Variants in RPA3 observed in about 807,000 individuals in gnomAD.
RPA3 encodes the protein replication protein A 14 kDa subunit.
RPA3 carries 24 observed loss-of-function variants against 13.7 expected under a neutral mutation model. The ratio of observed to expected loss-of-function variants is 1.75; its 90% confidence interval spans 1.27 to 2.46. The LOEUF (loss-of-function observed/expected upper bound fraction) is 2.46, where lower values mean the gene tolerates loss of function less well. Ranked by LOEUF, RPA3 falls within the 30% of genes most tolerant of loss-of-function variation. The probability of loss-of-function intolerance (pLI) is 0.00; values close to 1 mark genes in which losing one functional copy is unlikely to be tolerated. For missense variants in RPA3, 183 were observed against 151.0 expected, an observed-to-expected ratio of 1.21 and a Z score of -1.11; for synonymous variants, 59 against 51.2, an observed-to-expected ratio of 1.15 and a Z score of -0.65.
chr7:7,657,206 G>A (rs1270094849), intron 4 of RPA3, among the ~76,000 whole-genome samples: 3 of 151,938 alleles, frequency 2.0e-5, no homozygotes, highest in Non-Finnish European at 4.4e-5. Context: ...TAGAGTCTGG[G>A]TATTAGCCCT....
chr7:7,661,879 C>T (rs1386583795), intron 4 of RPA3, among the ~76,000 whole-genome samples: 5 of 152,152 alleles, frequency 3.3e-5, no homozygotes, highest in Admixed American at 2.0e-4. Flanking sequence ...CAGGCAGGGA[C>T]GTTTAATTCT....
intron 5 of RPA3, 57 bp from the exon 6 acceptor site, chr7:7,639,201 A>C: frequency 7.5e-7 from 1 of 1,328,362 alleles, no homozygotes; most frequent in South Asian, 1.2e-5. Flanking sequence ...GTTTGACTAA[A>C]GATGAGTACA....
intron 4 of RPA3, among the ~76,000 whole-genome samples, 179 bp downstream of exon 4, chr7:7,685,651 T>C (rs927030120): frequency 2.0e-5 from 3 of 152,214 alleles, no homozygotes; most frequent in Admixed American, 1.3e-4. Flanking sequence ...ATTTAAGTGT[T>C]GGCCCACTTG....
intron 4 of RPA3, among the ~76,000 whole-genome samples, chr7:7,676,365 A>G (rs1779739264): frequency 6.6e-6 from 1 of 152,208 alleles, no homozygotes; most frequent in African/African-American, 2.4e-5. Flanking sequence ...ATCACCATAC[A>G]CAGGCTAGGA....
Position 7,673,711 on chromosome 7 carries a change from CT to C in RPA3, c.-758+12118del, listed in dbSNP as rs1303262041. Reference sequence around the variant, plus strand: ...TGTAAAATCACTTCTTTTTCCCCCCCTTTTTTTTTTTAACTGTGGAAAATCT... The same window carrying C: ...TGTAAAATCACTTCTTTTTCCCCCCCTTTTTTTTTTAACTGTGGAAAATCT... On this transcript the variant is annotated intron_variant, in intron 4 of 7. Coordinates refer to ENST00000223129, the MANE Select transcript of RPA3 (RefSeq NM_002947.5). Among the ~76,000 whole-genome samples, 505 of 88,446 alleles carry C rather than the reference CT, an allele frequency of 5.7e-3. 5 individuals are homozygous for C. Among genetic ancestry groups the C allele is most frequent in the African/African-American group, 0.015 (416 of 27,116 alleles). The allele number at this position is 88,446 out of a possible 152,430, so 58.0% of individuals were successfully genotyped here. A position where few individuals can be genotyped will look rare whatever the true frequency, so the allele number is the denominator to read the frequency against.
intron 4 of RPA3, among the ~76,000 whole-genome samples, chr7:7,665,787 G>A (rs1779434619): frequency 6.7e-6 from 1 of 150,350 alleles, no homozygotes; most frequent in Non-Finnish European, 1.5e-5. Context: ...GAATCATATA[G>A]TATGAACTTT....
chr7:7,655,616 C>A (rs1386387671), intron 4 of RPA3, among the ~76,000 whole-genome samples: 3 of 152,070 alleles, frequency 2.0e-5, no homozygotes, highest in African/African-American at 4.8e-5. Flanking sequence ...CTGAAAGCAT[C>A]TATAAGGTTA....
rs767168488 is a variant in RPA3 at position 7,640,457 on chromosome 7, G to A, written c.-39C>T. 8.1e-6 allele frequency: 13 copies of A among 1,595,736 alleles called. No homozygotes were observed. The highest frequency in any genetic ancestry group is 1.1e-5 in the Non-Finnish European group (13 of 1,165,734). Reference sequence around the variant, plus strand: ...GACTGCGGCTGGCGGGAAACCCACGGACGACTGAAACTGTGCGCCCCGCGG... The same window carrying A: ...GACTGCGGCTGGCGGGAAACCCACGAACGACTGAAACTGTGCGCCCCGCGG... On this transcript the variant is annotated 5_prime_UTR_variant, in exon 5 of 8. Coordinates refer to ENST00000223129, the MANE Select transcript of RPA3 (RefSeq NM_002947.5).
intron 4 of RPA3, among the ~76,000 whole-genome samples, chr7:7,656,243 G>A (rs1451945184): frequency 6.6e-6 from 1 of 152,104 alleles, no homozygotes; most frequent in Non-Finnish European, 1.5e-5. Flanking sequence ...GGAAATACGA[G>A]TTGAAGGAGA....
At chr7:7,714,279 T>G (rs867698456) in intron 2 of RPA3, among the ~76,000 whole-genome samples, 1 of 152,372 alleles carries the variant, frequency 6.6e-6, no homozygotes, top group African/African-American at 2.4e-5. Flanking sequence ...AATCCTTGGA[T>G]GTTGACAGCA....
intron 4 of RPA3, among the ~76,000 whole-genome samples, chr7:7,669,250 A>G (rs1412504737): frequency 3.3e-5 from 5 of 152,162 alleles, no homozygotes; most frequent in African/African-American, 7.2e-5. Flanking sequence ...AAACGATTGT[A>G]TACGGTATTT....
intron 1 of RPA3, among the ~76,000 whole-genome samples, chr7:7,717,057 T>C (rs1305086856): frequency 4.8e-5 from 7 of 144,894 alleles, no homozygotes; most frequent in African/African-American, 2.0e-4. Context: ...TCTTTCTTTT[T>C]TTCTTTTTTT....
At chr7:7,706,265 A>G (rs1780596863) in intron 2 of RPA3, among the ~76,000 whole-genome samples, 3 of 152,176 alleles carry the variant, frequency 2.0e-5, no homozygotes, top group Admixed American at 6.6e-5. Flanking sequence ...AAAAGAGTCT[A>G]AAAATTATCT....
intron 4 of RPA3, among the ~76,000 whole-genome samples, chr7:7,681,086 C>T (rs563722314): frequency 1.3e-5 from 2 of 152,146 alleles, no homozygotes; most frequent in East Asian, 1.9e-4. Context: ...TAAGTAAAAA[C>T]TTATAAACAT....
chr7:7,662,480 C>T (rs1460727024), intron 4 of RPA3, among the ~76,000 whole-genome samples: 5 of 152,198 alleles, frequency 3.3e-5, no homozygotes, highest in Non-Finnish European at 5.9e-5. Context: ...CTGTGGGTTG[C>T]GAAGACCGTG....
intron 4 of RPA3, among the ~76,000 whole-genome samples, chr7:7,672,949 T>G (rs1779644157): frequency 6.6e-6 from 1 of 152,200 alleles, no homozygotes; most frequent in African/African-American, 2.4e-5. Context: ...CAGGTCTGTT[T>G]ATTTTATTTT....
At chr7:7,699,340 T>C (rs1780401355) in intron 2 of RPA3, among the ~76,000 whole-genome samples, 1 of 152,246 alleles carries the variant, frequency 6.6e-6, no homozygotes, top group Non-Finnish European at 1.5e-5. Context: ...TATGCTTTAA[T>C]CACTCATAAA....
intron 4 of RPA3, among the ~76,000 whole-genome samples, chr7:7,662,661 C>A (rs1203421235): frequency 6.6e-6 from 1 of 152,276 alleles, no homozygotes; most frequent in East Asian, 1.9e-4. Flanking sequence ...TCTAACCAGT[C>A]CCAATGAGAT....
chr7:7,694,638 A>G (rs1780264320), intron 2 of RPA3, among the ~76,000 whole-genome samples: 1 of 152,232 alleles, frequency 6.6e-6, no homozygotes, highest in Non-Finnish European at 1.5e-5. Context: ...GAATATGTGA[A>G]GTTTATCTCT....
Sources: gnomAD v4.1 joint callset for allele counts (sites outside exome capture counted in the v4.1 genomes callset) on GRCh38, gnomAD v4.1.1 for gene constraint, MANE v1.5 for transcripts, NCBI Gene and HGNC (gene_info 2026-07-23, HGNC 2026-07-21) for gene names.